The following GRIP2 variants were observed in gnomAD, a reference collection of about 807,000 sequenced individuals.
The protein encoded by GRIP2 is glutamate receptor-interacting protein 2.
Under a neutral mutation model 108.3 loss-of-function variants are expected in GRIP2, and 58 were observed. The ratio of observed to expected loss-of-function variants is 0.54; its 90% CI spans 0.43 to 0.67. GRIP2 has a LOEUF of 0.67. Ranked by LOEUF, GRIP2 falls within the 30% of genes least tolerant of loss-of-function variation. GRIP2 has a pLI of 0.00. For synonymous variants in GRIP2, 586 were observed against 598.2 expected (o/e 0.98, Z 0.30); for missense variants, 1,278 against 1,430.6 (o/e 0.89, Z 1.72).
In GRIP2 at chr3:14,522,695, C is replaced by T. The variant is rs968156449; in HGVS notation, c.566+305G>A. On this transcript the variant is annotated intron_variant, in intron 6 of 23. Transcript: ENST00000621039. This position sits in a 1 kb window ranked among gnomAD's most constrained non-coding sequence, Gnocchi z 4.3. Reference sequence around the variant, plus strand: ...AATCTCTCATAGCAACTCTTAGGGACCATTCCACAGACGGGAAAACCAAGG... The same window carrying T: ...AATCTCTCATAGCAACTCTTAGGGATCATTCCACAGACGGGAAAACCAAGG... 5.3e-6 allele frequency: 2 copies of T among 374,358 alleles called. No homozygotes were observed. The highest frequency in any genetic ancestry group is 8.4e-5 in the Admixed American group (2 of 23,882). The allele number at this position is 374,358 out of a possible 1,614,324, so 23.2% of individuals were successfully genotyped here.
chr3:14,592,718 A>T, the GRIP2 span, among the ~76,000 whole-genome samples: 1 of 152,182 alleles, frequency 6.6e-6, no homozygotes, highest in Non-Finnish European at 1.5e-5. Context: ...GTGGCCTAGC[A>T]CAAAGAATAG....
chr3:14,556,524 A>AC (rs1350091501), upstream of GRIP2, among the ~76,000 whole-genome samples: 1 of 152,186 alleles, frequency 6.6e-6, no homozygotes, highest in East Asian at 1.9e-4. Context: ...TGAGACAAGG[A>AC]CAAGAGTCCA....
chr3:14,527,358 C>G (rs2124933489), intron 1 of GRIP2, among the ~76,000 whole-genome samples: 1 of 80,538 alleles, frequency 1.2e-5, no homozygotes, highest in East Asian at 5.6e-4. Flanking sequence ...ATTTCATTTT[C>G]TAATTACTTG....
chr3:14,503,956 A>G, intron 20 of GRIP2: 3 of 453,196 alleles, frequency 6.6e-6, no homozygotes, highest in Middle Eastern at 6.1e-4. Context: ...CAGGATGCCT[A>G]GGAAGAGAGA....
At chr3:14,548,433 A>G (rs1336458053) in intron 1 of GRIP2, among the ~76,000 whole-genome samples, 1 of 152,112 alleles carries the variant, frequency 6.6e-6, no homozygotes, top group Non-Finnish European at 1.5e-5. Flanking sequence ...GGACCTCCGC[A>G]CACTGGAGTT....
intron 1 of GRIP2, among the ~76,000 whole-genome samples, chr3:14,527,615 G>T (rs1424593896): frequency 1.3e-5 from 2 of 152,196 alleles, no homozygotes; most frequent in East Asian, 1.9e-4. Context: ...TAGACCGGGG[G>T]ATGGTGGCTC....
the GRIP2 span, among the ~76,000 whole-genome samples, chr3:14,598,111 A>C: frequency 6.6e-6 from 1 of 152,130 alleles, no homozygotes; most frequent in Non-Finnish European, 1.5e-5. Flanking sequence ...ACACACAAAC[A>C]CAAACACAAA....
chr3:14,543,033 G>T (rs1234656308), upstream of GRIP2, among the ~76,000 whole-genome samples: 1 of 152,186 alleles, frequency 6.6e-6, no homozygotes, highest in Non-Finnish European at 1.5e-5. Flanking sequence ...CACTGAGAAG[G>T]GTTTTTTAGA....
In GRIP2 at chr3:14,512,223, C is replaced by T. The variant is rs1003421975; in HGVS notation, c.1720+554G>A. ...CTGGAGGGCTTGAGTTGGGGAGAGT[C>T]GGGAGATGAGGTCAGAGGTCATGGG... On this transcript the variant is annotated intron_variant, in intron 14 of 23. Coordinates refer to ENST00000621039, the MANE Select transcript of GRIP2 (RefSeq NM_001080423.4). This position sits in a 1 kb window ranked among gnomAD's most constrained non-coding sequence, Gnocchi z 5.1. 2.6e-5 allele frequency among the ~76,000 whole-genome samples: 4 copies of T among 152,050 alleles called. No individual in the cohort carries two copies. Among genetic ancestry groups the T allele is most frequent in the Non-Finnish European group, 5.9e-5 (4 of 68,004 alleles).
chr3:14,588,702 G>C, the GRIP2 span, among the ~76,000 whole-genome samples: 1 of 152,208 alleles, frequency 6.6e-6, no homozygotes, highest in African/African-American at 2.4e-5. Context: ...CAGGGTCTCT[G>C]GCAGGAAAGC....
chr3:14,573,677 G>C, the GRIP2 span: 6 of 1,462,842 alleles, frequency 4.1e-6, no homozygotes, highest in South Asian at 1.1e-5. Flanking sequence ...GGTTCCCGGG[G>C]TTGTTTCTGG....
At chr3:14,588,631 G>C in the GRIP2 span, among the ~76,000 whole-genome samples, 1 of 152,060 alleles carries the variant, frequency 6.6e-6, no homozygotes. Flanking sequence ...ACAAACCCCT[G>C]GATATAAATC....
chr3:14,572,611 C>CAAAAAAAA, the GRIP2 span, among the ~76,000 whole-genome samples: 16 of 46,924 alleles, frequency 3.4e-4, no homozygotes, highest in East Asian at 1.1e-3. Flanking sequence ...GACTCCGTCT[C>CAAAAAAAA]AAAAAAAAAA....
the GRIP2 span, among the ~76,000 whole-genome samples, chr3:14,584,043 G>C: frequency 6.6e-6 from 1 of 152,204 alleles, no homozygotes; most frequent in Non-Finnish European, 1.5e-5. Flanking sequence ...AACCCTGAAA[G>C]GTGGGCATAT....
At chr3:14,584,418 C>T in the GRIP2 span, among the ~76,000 whole-genome samples, 2 of 152,182 alleles carry the variant, frequency 1.3e-5, no homozygotes, top group South Asian at 4.1e-4. Context: ...GCCACACGAC[C>T]CCCATCGCTG....
chr3:14,534,169 TG>T (rs1216059776), intron 1 of GRIP2, among the ~76,000 whole-genome samples: 3 of 152,016 alleles, frequency 2.0e-5, no homozygotes, highest in Admixed American at 1.3e-4. Flanking sequence ...CATCCTCAGA[TG>T]GGGGGGAACT....
At chr3:14,575,015 C>T in the GRIP2 span, among the ~76,000 whole-genome samples, 1 of 151,898 alleles carries the variant, frequency 6.6e-6, no homozygotes, top group South Asian at 2.1e-4. Context: ...GAATGATTTT[C>T]AAAAAAGGTC....
intron 21 of GRIP2, among the ~76,000 whole-genome samples, chr3:14,497,716 G>A (rs901019991): frequency 1.3e-5 from 2 of 152,210 alleles, no homozygotes; most frequent in Admixed American, 6.5e-5. Flanking sequence ...CTGCAGGAGC[G>A]GGAGTGGAGG....
intron 22 of GRIP2, 119 bp downstream of exon 22, chr3:14,496,298 G>A: frequency 1.2e-6 from 1 of 822,618 alleles, no homozygotes; most frequent in African/African-American, 1.7e-5. Flanking sequence ...ACTCAACCCA[G>A]TTTTGTGGTG....
Sources: allele counts gnomAD v4.1 joint callset (sites outside exome capture counted in the v4.1 genomes callset), GRCh38; gene constraint gnomAD v4.1.1; non-coding constraint Gnocchi (gnomAD v3.1); transcripts MANE v1.5; gene names NCBI Gene and HGNC (gene_info 2026-07-23, HGNC 2026-07-21).